CADM4: variants seen among roughly 807,000 people sequenced by gnomAD.
CADM4 encodes the protein cell adhesion molecule 4, also known as TSLC1-like 2.
CADM4 carries 13 observed loss-of-function variants against 43.9 expected under a neutral mutation model. That is an observed-to-expected ratio of 0.30 (90% CI 0.19 to 0.47). The LOEUF (loss-of-function observed/expected upper bound fraction) is 0.47, where lower values mean the gene tolerates loss of function less well. Among genes scored for constraint, CADM4 ranks in the 20% least tolerant of loss-of-function variants. The pLI, the probability that CADM4 is intolerant of heterozygous loss-of-function variation, is 1.00. For synonymous variants in CADM4, 209 were observed against 220.9 expected, an observed-to-expected ratio of 0.95 and a Z score of 0.48; for missense variants, 420 against 527.0, an observed-to-expected ratio of 0.80 and a Z score of 1.99.
Position 43,627,091 on chromosome 19 carries a change from C to A in CADM4, c.364+75G>T. On this transcript the variant is annotated intron_variant, in intron 3 of 8. Coordinates refer to ENST00000222374, the MANE Select transcript of CADM4 (RefSeq NM_145296.2). The surrounding 1 kb of genome is among the most constrained non-coding windows in gnomAD (Gnocchi z 4.0). ...CCAGGATGTTAAAAATAGCCATGGT[C>A]TGAAAGTCTCAGGAGAAGAGAGAAG... 1.3e-6 allele frequency: 2 copies of A among 1,508,002 alleles called. No homozygotes were observed. Among genetic ancestry groups the A allele is most frequent in the Non-Finnish European group, 8.9e-7 (1 of 1,122,922 alleles). The allele number at this position is 1,508,002 out of a possible 1,614,324, so 93.4% of individuals were successfully genotyped here. A position where few individuals can be genotyped will look rare whatever the true frequency, so the allele number is the denominator to read the frequency against.
intron 1 of CADM4, among the ~76,000 whole-genome samples, chr19:43,632,719 T>A (rs1399211108): frequency 1.3e-5 from 2 of 152,016 alleles, no homozygotes; most frequent in Non-Finnish European, 2.9e-5. Context: ...TCAAATCATA[T>A]CAGTACCTTC....
rs1373246687 is a variant in CADM4, at chr19:43,623,901, G to A, written c.1057+213C>T. 2.0e-5 allele frequency among the ~76,000 whole-genome samples: 3 copies of A among 152,042 alleles called. No individual in the cohort carries two copies. The highest frequency in any genetic ancestry group is 4.4e-5 in the Non-Finnish European group (3 of 67,978). On this transcript the variant is annotated intron_variant, in intron 8 of 8. Coordinates refer to ENST00000222374, the MANE Select transcript of CADM4 (RefSeq NM_145296.2). The surrounding 1 kb of genome is among the most constrained non-coding windows in gnomAD (Gnocchi z 4.4). ...CAGGCGTGAGCCACCGCGCCCAACC[G>A]CAAATCTATGCTTTTAATTCAGCTT...
intron 1 of CADM4, among the ~76,000 whole-genome samples, chr19:43,632,795 C>G (rs898584023): frequency 3.3e-5 from 5 of 151,996 alleles, no homozygotes; most frequent in African/African-American, 1.2e-4. Context: ...TTTTAAGAGA[C>G]AAAGTCAGCC....
rs1373298209 is a variant in CADM4, at chr19:43,626,304, C to CA, written c.500-17dup. ...CTGCTCACTCCTGCCACACCCCGGT[C>CA]AGACACTGTCAGGCCACAATTCCGG... is the stretch of plus-strand genomic sequence containing the variant. On this transcript the variant is annotated splice_polypyrimidine_tract_variant and intron_variant, in intron 4 of 8. Transcript: ENST00000222374. The surrounding 1 kb of genome is among the most constrained non-coding windows in gnomAD (Gnocchi z 5.9). 11 of 1,606,556 alleles carry CA rather than the reference C, an allele frequency of 6.8e-6. No individual in the cohort carries two copies. Among genetic ancestry groups the CA allele is most frequent in the Admixed American group, 1.7e-5 (1 of 59,926 alleles).
Position 43,625,327 on chromosome 19 carries a change from C to A in CADM4, c.756-77G>T. ...AATTCTGACTTGTCAAGAATCTAGACATGCAACTCTCATCCCGCAGGGACC... is the reference window on the plus strand; with the variant it reads ...AATTCTGACTTGTCAAGAATCTAGAAATGCAACTCTCATCCCGCAGGGACC... On this transcript the variant is annotated intron_variant, in intron 6 of 8. Coordinates refer to ENST00000222374, the MANE Select transcript of CADM4 (RefSeq NM_145296.2). The surrounding 1 kb of genome is among the most constrained non-coding windows in gnomAD (Gnocchi z 4.5). 7.0e-7 allele frequency: 1 copy of A among 1,431,382 alleles called. No individual in the cohort carries two copies. The highest frequency in any genetic ancestry group is 9.5e-7 in the Non-Finnish European group (1 of 1,054,538). 88.7% of individuals were successfully genotyped at this position (1,431,382 alleles called of 1,614,324 possible). A position where few individuals can be genotyped will look rare whatever the true frequency, so the allele number is the denominator to read the frequency against.
chr19:43,627,129 G>A lies in CADM4; in HGVS notation c.364+37C>T. 6.5e-7 allele frequency: 1 copy of A among 1,530,732 alleles called. No homozygotes were observed. The highest frequency in any genetic ancestry group is 8.8e-7 in the Non-Finnish European group (1 of 1,135,532). 94.8% of individuals were successfully genotyped at this position (1,530,732 alleles called of 1,614,324 possible). On this transcript the variant is annotated intron_variant, in intron 3 of 8. Transcript: ENST00000222374. The surrounding 1 kb of genome is among the most constrained non-coding windows in gnomAD (Gnocchi z 4.0). ...GAGAAGAGAGAAGCAGAGAAGAAAG[G>A]AGGAGAGGATGCGTCTGACAAGGGG...
rs2146140776 is a variant in CADM4 at position 43,627,409 on chromosome 19, G to A, written c.212-91C>T. On this transcript the variant is annotated intron_variant, in intron 2 of 8. Transcript: ENST00000222374. The surrounding 1 kb of genome is among the most constrained non-coding windows in gnomAD (Gnocchi z 4.0). The stretch of plus-strand genomic sequence containing the variant: ...ACAGGAGCTTAGAGTCCAGCCCTCT[G>A]CCTCTTTTCTCCAGCCATATCTATG... The A allele has an allele frequency of 2.1e-6, 3 of 1,414,136 alleles. No homozygotes were observed. The highest frequency in any genetic ancestry group is 2.9e-5 in the South Asian group (2 of 68,462). The allele number at this position is 1,414,136 out of a possible 1,614,324, so 87.6% of individuals were successfully genotyped here.
intron 1 of CADM4, among the ~76,000 whole-genome samples, chr19:43,634,346 GC>G (rs945647923): frequency 6.6e-6 from 1 of 152,182 alleles, no homozygotes; most frequent in Admixed American, 6.5e-5. Context: ...TTCAGTGCTA[GC>G]CCCCCATTTT....
At position 43,622,655 on chromosome 19, in the gene CADM4, C is replaced by A. The variant is rs1326809904; in HGVS notation, c.*675G>T. ...GGCCTGGAGGAGAGATGGGGAAGGC[C>A]CCCCCAGGAGTGGGTGGACAGAGAG... is the stretch of plus-strand genomic sequence containing the variant. On this transcript the variant is annotated 3_prime_UTR_variant, in exon 9 of 9. Transcript: ENST00000222374. The A allele has an allele frequency of 6.6e-6, 1 of 152,472 alleles. No homozygotes were observed. The highest frequency in any genetic ancestry group is 1.5e-5 in the Non-Finnish European group (1 of 68,036). The allele number at this position is 152,472 out of a possible 1,614,324, so 9.4% of individuals were successfully genotyped here.
intron 1 of CADM4, among the ~76,000 whole-genome samples, chr19:43,629,330 C>T (rs1211828268): frequency 6.6e-6 from 1 of 152,122 alleles, no homozygotes; most frequent in Non-Finnish European, 1.5e-5. Flanking sequence ...TTTTGTTAAG[C>T]CATTGAGATT....
intron 7 of CADM4, 123 bp downstream of exon 7, chr19:43,624,955 C>T: frequency 3.5e-6 from 4 of 1,129,564 alleles, no homozygotes; most frequent in South Asian, 3.3e-5. Flanking sequence ...CCAGTCTGGT[C>T]CCAAAACAAA....
Position 43,628,201 on chromosome 19 carries a change from G to A in CADM4, c.65-411C>T, listed in dbSNP as rs537878871. Among the ~76,000 whole-genome samples, 332 of 151,676 alleles carry A rather than the reference G, an allele frequency of 2.2e-3. 2 individuals are homozygous for A. The highest frequency in any genetic ancestry group is 4.2e-3 in the South Asian group (20 of 4,810). On this transcript the variant is annotated intron_variant, in intron 1 of 8. Transcript: ENST00000222374. ...AGCACTTTGAGAGGCCGAGGTGGGC[G>A]GATCGCAAGGTCAAGAGATAGAGAC...
At chr19:43,624,073 A>ACAAC (rs755386879) in intron 8 of CADM4, 41 bp downstream of exon 8, 22 of 1,610,478 alleles carry the variant, frequency 1.4e-5, no homozygotes, top group Admixed American at 1.7e-5. Context: ...TCCGAGCCCT[A>ACAAC]CAACCAACCA....
rs371293622 is a variant in CADM4 at position 43,634,878 on chromosome 19, C to T, written c.64+4849G>A. 8.5e-4 allele frequency among the ~76,000 whole-genome samples: 129 copies of T among 151,702 alleles called. 2 individuals carry two copies. The South Asian group carries it at 0.026, about 31-fold the overall frequency. ...GGAGTCTGGAACCCCGGCTTCTTTCCGCCTTAGACCCAGGAATTCAGCCCC... is the reference window on the plus strand; with the variant it reads ...GGAGTCTGGAACCCCGGCTTCTTTCTGCCTTAGACCCAGGAATTCAGCCCC... On this transcript the variant is annotated intron_variant, in intron 1 of 8. Transcript: ENST00000222374.
At chr19:43,639,521 G>T (rs1227199755) in intron 1 of CADM4, among the ~76,000 whole-genome samples, 2 of 150,936 alleles carry the variant, frequency 1.3e-5, no homozygotes, top group East Asian at 4.0e-4. Context: ...CGGGTGGGGG[G>T]GCTGCGGCAC....
intron 1 of CADM4, among the ~76,000 whole-genome samples, chr19:43,631,676 G>A (rs1024409353): frequency 6.6e-6 from 1 of 152,190 alleles, no homozygotes; most frequent in African/African-American, 2.4e-5. Flanking sequence ...GAAACAGGTG[G>A]ACAAACCCTT....
chr19:43,641,406 C>T (rs182854063), upstream of CADM4, among the ~76,000 whole-genome samples: 1 of 152,348 alleles, frequency 6.6e-6, no homozygotes, highest in African/African-American at 2.4e-5. Flanking sequence ...ACCATCAACC[C>T]TTGTGTCCCA....
At chr19:43,631,428 T>C (rs904051768) in intron 1 of CADM4, among the ~76,000 whole-genome samples, 4 of 151,810 alleles carry the variant, frequency 2.6e-5, no homozygotes, top group Non-Finnish European at 5.9e-5. Flanking sequence ...AGTTGAGGGG[T>C]AGAAAAGATT....
intron 1 of CADM4, 132 bp downstream of exon 1, chr19:43,639,595 T>G: frequency 6.6e-5 from 29 of 436,544 alleles, no homozygotes; most frequent in South Asian, 9.4e-5. Context: ...GCGCTGCGCT[T>G]TGTCCCGGGG....
Sources: gnomAD v4.1 joint callset for allele counts (sites outside exome capture counted in the v4.1 genomes callset) on GRCh38, gnomAD v4.1.1 for gene constraint, Gnocchi (gnomAD v3.1) non-coding constraint, MANE v1.5 for transcripts, NCBI Gene and HGNC (gene_info 2026-07-23, HGNC 2026-07-21) for gene names.